The following TENM3 variants were observed in gnomAD, a reference collection of about 807,000 sequenced individuals.
The protein encoded by TENM3 is teneurin-3.
A neutral mutation model predicts 255.1 loss-of-function variants in TENM3; 63 were observed. The ratio of observed to expected loss-of-function variants is 0.25; its 90% CI spans 0.20 to 0.30. The LOEUF is 0.30. Among genes scored for constraint, TENM3 ranks in the 10% least tolerant of loss-of-function variants. The pLI, the probability that TENM3 is intolerant of heterozygous loss-of-function variation, is 1.00. For synonymous variants in TENM3, 1,306 were observed against 1,322.3 expected (o/e 0.99, Z 0.27); for missense variants, 2,929 against 3,461.1 (o/e 0.85, Z 3.86).
chr4:182,659,302 A>G (rs1184451647), intron 6 of TENM3, among the ~76,000 whole-genome samples: 2 of 140,612 alleles, frequency 1.4e-5, no homozygotes, highest in East Asian at 4.0e-4. Flanking sequence ...GTGGTCTGAA[A>G]CTATTAAGAT....
the TENM3 span, among the ~76,000 whole-genome samples, chr4:181,748,001 C>T: frequency 6.6e-6 from 1 of 152,016 alleles, no homozygotes; most frequent in African/African-American, 2.4e-5. Flanking sequence ...CTACCAGCAT[C>T]TAGCTATGCT....
At chr4:182,714,775 T>C (rs1759026339) in intron 13 of TENM3, among the ~76,000 whole-genome samples, 1 of 152,256 alleles carries the variant, frequency 6.6e-6, no homozygotes, top group African/African-American at 2.4e-5. Flanking sequence ...ATAATTATTT[T>C]CACCGTTGAC....
chr4:182,096,534 G>A, the TENM3 span, among the ~76,000 whole-genome samples: 1 of 152,192 alleles, frequency 6.6e-6, no homozygotes, highest in Admixed American at 6.5e-5. Context: ...ACAAATGAAT[G>A]AGTATATATT....
the TENM3 span, among the ~76,000 whole-genome samples, chr4:181,697,474 A>G: frequency 6.6e-6 from 1 of 151,960 alleles, no homozygotes; most frequent in Non-Finnish European, 1.5e-5. Context: ...GCTCTCTGCA[A>G]CCTCCGCCTC....
intron 1 of TENM3, among the ~76,000 whole-genome samples, chr4:182,146,946 G>T (rs138624905): frequency 3.0e-4 from 45 of 152,194 alleles, no homozygotes; most frequent in Admixed American, 1.4e-3. Flanking sequence ...TTCTGTAGGC[G>T]TGTCATCAGT....
the TENM3 span, among the ~76,000 whole-genome samples, chr4:181,654,416 G>A: frequency 6.6e-6 from 1 of 152,010 alleles, no homozygotes; most frequent in South Asian, 2.1e-4. Context: ...GGTGTAAAAT[G>A]GCATGATGTA....
the TENM3 span, among the ~76,000 whole-genome samples, chr4:181,846,287 C>T: frequency 8.2e-4 from 125 of 151,968 alleles, 2 homozygotes; most frequent in African/African-American, 2.8e-3. Flanking sequence ...AAAAATCTTG[C>T]TTTGAAAAAA....
chr4:181,458,118 C>T, the TENM3 span, among the ~76,000 whole-genome samples: 1 of 151,862 alleles, frequency 6.6e-6, no homozygotes, highest in African/African-American at 2.4e-5. Context: ...GGAATAATAA[C>T]CTTCTAATCT....
At chr4:182,013,684 C>A in the TENM3 span, among the ~76,000 whole-genome samples, 1 of 152,052 alleles carries the variant, frequency 6.6e-6, no homozygotes, top group Non-Finnish European at 1.5e-5. Context: ...ATCAGCTTCT[C>A]CAAGTGACAT....
At chr4:182,752,440 G>A (rs963346141) in intron 20 of TENM3, among the ~76,000 whole-genome samples, 5 of 152,126 alleles carry the variant, frequency 3.3e-5, no homozygotes, top group Non-Finnish European at 1.5e-5. Flanking sequence ...AACCCTGTGA[G>A]CCCTCACCCT....
At chr4:182,477,343 C>A (rs1580688343) in intron 3 of TENM3, among the ~76,000 whole-genome samples, 1 of 151,830 alleles carries the variant, frequency 6.6e-6, no homozygotes, top group Non-Finnish European at 1.5e-5. Context: ...ACACTGTCTT[C>A]CGTCTTTTGC....
chr4:182,133,122 T>G, the TENM3 span, among the ~76,000 whole-genome samples: 3 of 152,194 alleles, frequency 2.0e-5, no homozygotes, highest in Non-Finnish European at 4.4e-5. Context: ...TTCCCACTAC[T>G]TATCATAAGG....
At chr4:182,699,226 A>G (rs778523290) in intron 12 of TENM3, among the ~76,000 whole-genome samples, 1 of 152,222 alleles carries the variant, frequency 6.6e-6, no homozygotes, top group East Asian at 1.9e-4. Flanking sequence ...CACTGGCATT[A>G]GAAGCAGCTG....
chr4:182,060,575 C>T, the TENM3 span, among the ~76,000 whole-genome samples: 4 of 152,156 alleles, frequency 2.6e-5, no homozygotes, highest in African/African-American at 4.8e-5. Context: ...TAACAAGTCA[C>T]GGGCCCATAC....
intron 10 of TENM3, among the ~76,000 whole-genome samples, chr4:182,681,385 A>C (rs1455869597): frequency 2.0e-5 from 3 of 152,234 alleles, no homozygotes; most frequent in Non-Finnish European, 4.4e-5. Context: ...CGTCATCTAA[A>C]GCACATTGAA....
chr4:181,506,695 G>A, the TENM3 span, among the ~76,000 whole-genome samples: 1 of 151,732 alleles, frequency 6.6e-6, no homozygotes, highest in South Asian at 2.1e-4. Flanking sequence ...GAAGGACCAT[G>A]ATGAGGACAA....
intron 1 of TENM3, among the ~76,000 whole-genome samples, chr4:182,228,285 A>G (rs1309489742): frequency 6.6e-6 from 1 of 151,828 alleles, no homozygotes; most frequent in Non-Finnish European, 1.5e-5. Flanking sequence ...GCTTCTCTAT[A>G]GTAACCATTT....
the TENM3 span, among the ~76,000 whole-genome samples, chr4:181,780,512 G>C: frequency 0.063 from 9,529 of 152,212 alleles, 606 homozygotes; most frequent in African/African-American, 0.16. Flanking sequence ...ATTTGTTTGA[G>C]TTATTTGTAG....
the TENM3 span, among the ~76,000 whole-genome samples, chr4:181,876,542 A>G: frequency 3.5e-3 from 533 of 152,324 alleles, 1 homozygote; most frequent in African/African-American, 0.012. Context: ...CTACTAAATC[A>G]GATCAAGCCA....
Sources: allele counts gnomAD v4.1 joint callset (sites outside exome capture counted in the v4.1 genomes callset), GRCh38; gene constraint gnomAD v4.1.1; transcripts MANE v1.5; gene names NCBI Gene and HGNC (gene_info 2026-07-23, HGNC 2026-07-21).